Variants in ENOX1 observed in about 807,000 individuals in gnomAD.
ENOX1 encodes the protein candidate growth-related and time keeping constitutive hydroquinone (NADH) oxidase.
In ENOX1, 42 loss-of-function variants were observed where a neutral mutation model predicts 82.5. The observed-to-expected ratio is 0.51, with a 90% CI of 0.40 to 0.66. The LOEUF is 0.66. Among genes scored for constraint, ENOX1 ranks in the 30% least tolerant of loss-of-function variants. ENOX1 has a pLI of 0.00. For missense variants in ENOX1, 608 were observed against 811.6 expected (o/e 0.75, Z 3.05); for synonymous variants, 271 against 282.2 (o/e 0.96, Z 0.40).
At chr13:43,636,002 A>G (rs999249306) in intron 2 of ENOX1, among the ~76,000 whole-genome samples, 2 of 152,204 alleles carry the variant, frequency 1.3e-5, no homozygotes, top group African/African-American at 2.4e-5. Flanking sequence ...CGCAGCCCCA[A>G]CACAGCCAGA....
At chr13:43,229,191 T>C (rs946808328) in intron 15 of ENOX1, among the ~76,000 whole-genome samples, 2 of 152,236 alleles carry the variant, frequency 1.3e-5, no homozygotes, top group African/African-American at 4.8e-5. Flanking sequence ...TCTGCCATGA[T>C]TGTGAGGCCT....
At chr13:43,719,487 C>T (rs1817956661) in intron 1 of ENOX1, among the ~76,000 whole-genome samples, 1 of 152,068 alleles carries the variant, frequency 6.6e-6, no homozygotes. Flanking sequence ...TCATCTACAT[C>T]CCAGTGGTCA....
intron 2 of ENOX1, chr13:43,544,958 C>T (rs949710955): frequency 2.0e-5 from 3 of 152,132 alleles, no homozygotes; most frequent in African/African-American, 4.8e-5. Context: ...ATATTGAACA[C>T]AGAGGTCCGT....
chr13:43,666,587 G>A (rs1011353374), intron 2 of ENOX1, among the ~76,000 whole-genome samples: 3 of 152,076 alleles, frequency 2.0e-5, no homozygotes, highest in African/African-American at 4.8e-5. Flanking sequence ...TCTCCCTCAC[G>A]GCCTAGAAGG....
At chr13:43,595,492 C>T (rs906658583) in intron 2 of ENOX1, among the ~76,000 whole-genome samples, 2 of 151,998 alleles carry the variant, frequency 1.3e-5, no homozygotes, top group African/African-American at 4.8e-5. Context: ...ACTTTATGTT[C>T]GTTGTTCTCC....
At chr13:43,680,364 A>T (rs556679876) in intron 1 of ENOX1, among the ~76,000 whole-genome samples, 1 of 152,342 alleles carries the variant, frequency 6.6e-6, no homozygotes, top group African/African-American at 2.4e-5. Flanking sequence ...GCCCAGGGCA[A>T]GAGAAGTCAT....
chr13:43,481,261 A>G (rs2058497551), intron 3 of ENOX1, among the ~76,000 whole-genome samples: 1 of 152,140 alleles, frequency 6.6e-6, no homozygotes, highest in Non-Finnish European at 1.5e-5. Context: ...AAAAATTGTA[A>G]TATATAAAGC....
chr13:43,278,759 T>C (rs184807653), intron 12 of ENOX1, among the ~76,000 whole-genome samples: 15 of 152,260 alleles, frequency 9.9e-5, no homozygotes, highest in African/African-American at 3.6e-4. Context: ...TAATCAAGAA[T>C]CAAAGTTCTA....
At chr13:43,487,358 G>A (rs901146464) in intron 2 of ENOX1, among the ~76,000 whole-genome samples, 1 of 152,128 alleles carries the variant, frequency 6.6e-6, no homozygotes, top group Non-Finnish European at 1.5e-5. Context: ...AGTAAACAGA[G>A]AGACATGATT....
chr13:43,318,112 G>A (rs940297847), intron 11 of ENOX1, among the ~76,000 whole-genome samples: 6 of 152,128 alleles, frequency 3.9e-5, no homozygotes, highest in Non-Finnish European at 5.9e-5. Context: ...CCTATAAGGA[G>A]CTCAGAGTTT....
At chr13:43,620,297 T>C (rs1320422094) in intron 2 of ENOX1, among the ~76,000 whole-genome samples, 2 of 152,046 alleles carry the variant, frequency 1.3e-5, no homozygotes, top group Non-Finnish European at 2.9e-5. Flanking sequence ...GGTTTGAGCT[T>C]GGTTTGTTCT....
At chr13:43,257,846 G>A (rs1018222501) in intron 14 of ENOX1, among the ~76,000 whole-genome samples, 1 of 152,170 alleles carries the variant, frequency 6.6e-6, no homozygotes, top group African/African-American at 2.4e-5. Context: ...TCAGATCTTG[G>A]TTTTATCTAT....
At chr13:43,731,945 C>T (rs9567254) in intron 1 of ENOX1, among the ~76,000 whole-genome samples, 121,156 of 152,152 alleles carry the variant, frequency 0.8, 50,176 homozygotes, top group South Asian at 0.92. Context: ...CAATATAAGT[C>T]GCACAAGTTT....
chr13:43,624,854 T>C (rs1368501943), intron 2 of ENOX1, among the ~76,000 whole-genome samples: 3 of 152,088 alleles, frequency 2.0e-5, no homozygotes, highest in African/African-American at 7.2e-5. Flanking sequence ...TTAAAAATTG[T>C]TCAAAATATT....
Position 43,423,833 on chromosome 13 carries a change from T to A in ENOX1, c.-74-10845A>T, listed in dbSNP as rs1438025950. The stretch of plus-strand genomic sequence containing the variant: ...AATTCTTGCCTCCCCCTGGTCAAAT[T>A]TTTTCTGTGTTTGCACTCTTGTGTT... On this transcript the variant is annotated intron_variant, in intron 3 of 16. Transcript: ENST00000690772. 2.6e-5 allele frequency among the ~76,000 whole-genome samples: 4 copies of A among 152,186 alleles called. No homozygotes were observed. In the East Asian group the frequency reaches 7.7e-4, roughly 29 times the overall value.
intron 5 of ENOX1, among the ~76,000 whole-genome samples, chr13:43,371,004 G>A (rs2051205030): frequency 6.6e-6 from 1 of 151,814 alleles, no homozygotes; most frequent in Non-Finnish European, 1.5e-5. Flanking sequence ...GGGGAACCAT[G>A]AGAACAGGCC....
chr13:43,450,137 A>C (rs2056881000), intron 3 of ENOX1, among the ~76,000 whole-genome samples: 1 of 152,206 alleles, frequency 6.6e-6, no homozygotes. Context: ...CTATGTGGTT[A>C]TCCCTGATCA....
intron 1 of ENOX1, among the ~76,000 whole-genome samples, chr13:43,765,913 C>T (rs1445260910): frequency 6.6e-6 from 1 of 152,176 alleles, no homozygotes; most frequent in Non-Finnish European, 1.5e-5. Flanking sequence ...TCTGCCTATA[C>T]TCAATTTCAG....
intron 14 of ENOX1, 122 bp downstream of exon 14, chr13:43,265,276 A>T (rs575353812): frequency 1.3e-6 from 1 of 752,756 alleles, no homozygotes; most frequent in Non-Finnish European, 2.1e-6. Context: ...CCCATATATT[A>T]ATCTTAAGCT....
Sources: allele counts gnomAD v4.1 joint callset (sites outside exome capture counted in the v4.1 genomes callset), GRCh38; gene constraint gnomAD v4.1.1; transcripts MANE v1.5; gene names NCBI Gene and HGNC (gene_info 2026-07-23, HGNC 2026-07-21).